DAPL1: variants seen among roughly 807,000 people sequenced by gnomAD.
The protein encoded by DAPL1 is death-associated protein-like 1.
Under a neutral mutation model 12.9 loss-of-function variants are expected in DAPL1, and 17 were observed. The ratio of observed to expected loss-of-function variants is 1.32; its 90% CI spans 0.90 to 1.98. The LOEUF is 1.98. DAPL1 is among the 30% of genes most tolerant of loss of function. DAPL1 has a pLI of 0.00. For synonymous variants in DAPL1, 51 were observed against 42.0 expected (o/e 1.21, Z -0.82); for missense variants, 157 against 125.7 (o/e 1.25, Z -1.19).
intron 3 of DAPL1, chr2:158,807,710 C>T (rs548244430): frequency 3.9e-5 from 6 of 152,372 alleles, no homozygotes; most frequent in South Asian, 4.1e-4. Context: ...AGCAATGGAG[C>T]GATCTCAGCT....
At chr2:158,813,805 T>C (rs371659285) in intron 3 of DAPL1, among the ~76,000 whole-genome samples, 2 of 152,202 alleles carry the variant, frequency 1.3e-5, no homozygotes, top group African/African-American at 4.8e-5. Flanking sequence ...TCCGCCCGCC[T>C]TGGCCTCCCA....
chr2:158,814,417 A>G (rs1017493114), intron 3 of DAPL1, among the ~76,000 whole-genome samples: 6 of 152,204 alleles, frequency 3.9e-5, no homozygotes, highest in African/African-American at 1.4e-4. Flanking sequence ...TTTTTGTATA[A>G]CTTGTACCTG....
chr2:158,799,040 A>G (rs1033713376), intron 1 of DAPL1, among the ~76,000 whole-genome samples: 4 of 152,196 alleles, frequency 2.6e-5, no homozygotes, highest in Non-Finnish European at 4.4e-5. Flanking sequence ...TTAGAATTCT[A>G]AACTAACTGA....
intron 2 of DAPL1, among the ~76,000 whole-genome samples, chr2:158,806,597 G>C (rs902220914): frequency 7.2e-5 from 11 of 152,048 alleles, no homozygotes; most frequent in African/African-American, 2.7e-4. Flanking sequence ...TACTTTGGGA[G>C]GCTGAGGCGA....
intron 3 of DAPL1, among the ~76,000 whole-genome samples, chr2:158,814,491 C>T (rs1461090571): frequency 6.6e-6 from 1 of 152,130 alleles, no homozygotes; most frequent in African/African-American, 2.4e-5. Flanking sequence ...GAGGCATTGC[C>T]CATAATTCTA....
At position 158,815,712 on chromosome 2, in the gene DAPL1, A is replaced by G. The variant is rs2059256620; in HGVS notation, c.215A>G (p.Tyr72Cys). 1 of 1,610,930 alleles carries G rather than the reference A, an allele frequency of 6.2e-7. No homozygotes were observed. Among genetic ancestry groups the G allele is most frequent in the Non-Finnish European group, 8.5e-7 (1 of 1,177,032 alleles). Reference protein sequence around the residue: ...ALNDALEKLNYKFPATVHMAH... With the variant: ...ALNDALEKLNCKFPATVHMAH... ...TTCCCTTCTCACCTTTAGCTCAACTATAAATTTCCAGCAACAGTGCACATG... is the reference window on the plus strand; with the variant it reads ...TTCCCTTCTCACCTTTAGCTCAACTGTAAATTTCCAGCAACAGTGCACATG... The change falls in exon 4 of 4, where the codon TAT becomes TGT. Residue 72 changes from tyrosine to cysteine, a missense_variant. Coordinates refer to ENST00000309950, the MANE Select transcript of DAPL1 (RefSeq NM_001017920.3).
intron 1 of DAPL1, among the ~76,000 whole-genome samples, chr2:158,801,844 A>G (rs972191428): frequency 7.2e-5 from 11 of 152,212 alleles, no homozygotes; most frequent in African/African-American, 2.7e-4. Flanking sequence ...AACTGGTACA[A>G]TATAATATTT....
rs2059258354 is a variant in DAPL1 at position 158,815,818 on chromosome 2, T to A, written c.321T>A (p.Cys107Ter). The A allele has an allele frequency of 6.2e-7, 1 of 1,607,100 alleles. No individual in the cohort carries two copies. The highest frequency in any genetic ancestry group is 8.5e-7 in the Non-Finnish European group (1 of 1,173,672). ...ACATTATTCAGCAGCCTCGAAAATGTTAAGCCTGGATTTAAAACACAGCCG... is the reference window on the plus strand; with the variant it reads ...ACATTATTCAGCAGCCTCGAAAATGATAAGCCTGGATTTAAAACACAGCCG... ...RIYIIQQPRK[C>*] The change falls in exon 4 of 4, where the codon TGT (cysteine) becomes TGA (stop). Residue 107 changes from cysteine (C) to a stop codon, truncating the protein, a stop_gained. Coordinates refer to ENST00000309950, the MANE Select transcript of DAPL1 (RefSeq NM_001017920.3). LOFTEE classifies it high-confidence loss of function.
intron 3 of DAPL1, among the ~76,000 whole-genome samples, chr2:158,810,586 G>A (rs1105824): frequency 0.22 from 34,133 of 152,054 alleles, 5,054 homozygotes; most frequent in Non-Finnish European, 0.33. Flanking sequence ...AATAGTCCCC[G>A]AAGGGCTGGA....
In DAPL1 at chr2:158,805,776, A is replaced by G. The variant is rs2059197624; in HGVS notation, c.147-1279A>G. 2.7e-5 allele frequency among the ~76,000 whole-genome samples: 4 copies of G among 148,694 alleles called. No homozygotes were observed. The South Asian group carries it at 8.4e-4, about 31-fold the overall frequency. On this transcript the variant is annotated intron_variant, in intron 2 of 3. Coordinates refer to ENST00000309950, the MANE Select transcript of DAPL1 (RefSeq NM_001017920.3). ...AGATGGTGATTGGAATCTTCTTTAAAAACTCAATTGTTTTCTAATAGTCGT... is the reference window on the plus strand; with the variant it reads ...AGATGGTGATTGGAATCTTCTTTAAGAACTCAATTGTTTTCTAATAGTCGT...
chr2:158,806,847 AAAT>A (rs34097395), intron 2 of DAPL1, among the ~76,000 whole-genome samples: 63,978 of 145,006 alleles, frequency 0.44, 14,489 homozygotes, highest in East Asian at 0.82. Context: ...AGAAAAAAAA[AAAT>A]AATAATAATA....
At chr2:158,807,175 A>G in intron 3 of DAPL1, 60 bp downstream of exon 3, 7 of 1,365,630 alleles carry the variant, frequency 5.1e-6, no homozygotes, top group Non-Finnish European at 7.2e-6. Flanking sequence ...ATCCAGCTGC[A>G]TGGGTGAATG....
intron 3 of DAPL1, among the ~76,000 whole-genome samples, chr2:158,807,984 A>G (rs1394715103): frequency 6.6e-6 from 1 of 152,230 alleles, no homozygotes; most frequent in Non-Finnish European, 1.5e-5. Flanking sequence ...CTAGAAACTC[A>G]GAAAACTCTT....
chr2:158,806,113 C>T (rs573740772), intron 2 of DAPL1, among the ~76,000 whole-genome samples: 14 of 148,402 alleles, frequency 9.4e-5, no homozygotes, highest in African/African-American at 2.9e-4. Flanking sequence ...TGGACAAACA[C>T]TCCTTTGTAT....
intron 3 of DAPL1, among the ~76,000 whole-genome samples, chr2:158,808,867 G>T (rs1395706544): frequency 6.6e-6 from 1 of 152,128 alleles, no homozygotes; most frequent in Non-Finnish European, 1.5e-5. Context: ...AATAAAGGTT[G>T]GTCATGCTGT....
At chr2:158,797,138 G>A (rs770602312) in intron 1 of DAPL1, among the ~76,000 whole-genome samples, 7 of 152,120 alleles carry the variant, frequency 4.6e-5, no homozygotes, top group East Asian at 1.9e-4. Context: ...GATACGATTC[G>A]GTGGGGAGGG....
At chr2:158,807,888 C>G (rs969664389) in intron 3 of DAPL1, 1 of 152,306 alleles carries the variant, frequency 6.6e-6, no homozygotes, top group South Asian at 2.1e-4. Flanking sequence ...TCAGGCCATC[C>G]GGCCACCTCG....
At chr2:158,801,674 T>C (rs1374225165) in intron 1 of DAPL1, among the ~76,000 whole-genome samples, 7 of 152,174 alleles carry the variant, frequency 4.6e-5, no homozygotes, top group Non-Finnish European at 1.0e-4. Flanking sequence ...AACTTGGTAA[T>C]TCAAATGACC....
Position 158,804,384 on chromosome 2 carries a change from T to C in DAPL1, c.146+15T>C, listed in dbSNP as rs771250657. 1 of 1,578,836 alleles carries C rather than the reference T, an allele frequency of 6.3e-7. No individual in the cohort carries two copies. Among genetic ancestry groups the C allele is most frequent in the African/African-American group, 1.4e-5 (1 of 73,906 alleles). ...GAGAAAACAAGGTAGGGACTCTTAATTTTTCTCCATCACCTTGAGGAGTTT... is the reference window on the plus strand; with the variant it reads ...GAGAAAACAAGGTAGGGACTCTTAACTTTTCTCCATCACCTTGAGGAGTTT... On this transcript the variant is annotated intron_variant, in intron 2 of 3. Coordinates refer to ENST00000309950, the MANE Select transcript of DAPL1 (RefSeq NM_001017920.3).
Sources: gnomAD v4.1 joint callset for allele counts (sites outside exome capture counted in the v4.1 genomes callset) on GRCh38, gnomAD v4.1.1 for gene constraint, MANE v1.5 for transcripts, NCBI Gene and HGNC (gene_info 2026-07-23, HGNC 2026-07-21) for gene names.